TAF3: variants seen among roughly 807,000 people sequenced by gnomAD.
The protein encoded by TAF3 is transcription initiation factor TFIID subunit 3.
TAF3 carries 7 observed loss-of-function variants against 80.6 expected under a neutral mutation model. The observed-to-expected ratio is 0.09, with a 90% CI of 0.05 to 0.16. The LOEUF (loss-of-function observed/expected upper bound fraction) is 0.16, where lower values mean the gene tolerates loss of function less well. Among genes scored for constraint, TAF3 ranks in the 10% least tolerant of loss-of-function variants. The pLI is 1.00. For synonymous variants in TAF3, 444 were observed against 446.1 expected, an observed-to-expected ratio of 1.00 and a Z score of 0.06; for missense variants, 921 against 1,140.2, an observed-to-expected ratio of 0.81 and a Z score of 2.77.
At chr10:7,960,567 A>G (rs955598709) in intron 2 of TAF3, among the ~76,000 whole-genome samples, 2 of 152,152 alleles carry the variant, frequency 1.3e-5, no homozygotes, top group African/African-American at 4.8e-5. Flanking sequence ...GGCACGGGGA[A>G]TCGCATGTGC....
At chr10:7,878,595 C>G (rs1474690196) in intron 2 of TAF3, among the ~76,000 whole-genome samples, 1 of 152,092 alleles carries the variant, frequency 6.6e-6, no homozygotes, top group Non-Finnish European at 1.5e-5. Context: ...GTATTTAAAT[C>G]AGCTATATTG....
chr10:7,859,208 C>G (rs914830182), intron 2 of TAF3, among the ~76,000 whole-genome samples: 10 of 151,840 alleles, frequency 6.6e-5, no homozygotes, highest in Admixed American at 5.9e-4. Flanking sequence ...TTGCAGTGAG[C>G]TGAGATCATG....
chr10:7,920,092 A>G (rs930427373), intron 2 of TAF3, among the ~76,000 whole-genome samples: 11 of 152,034 alleles, frequency 7.2e-5, no homozygotes, highest in African/African-American at 2.7e-4. Flanking sequence ...GAAAATAAAA[A>G]TAAAATAAAA....
At chr10:7,968,338 A>T in intron 3 of TAF3, among the ~76,000 whole-genome samples, 1 of 152,202 alleles carries the variant, frequency 6.6e-6, no homozygotes, top group East Asian at 1.9e-4. Context: ...GCATTTGTTT[A>T]AATTTTTCAA....
intron 2 of TAF3, among the ~76,000 whole-genome samples, chr10:7,927,741 A>T (rs936253018): frequency 6.6e-5 from 10 of 152,232 alleles, no homozygotes; most frequent in Non-Finnish European, 1.5e-4. Flanking sequence ...TATGTAGTTG[A>T]TAATACAATA....
intron 4 of TAF3, among the ~76,000 whole-genome samples, chr10:8,006,619 A>G (rs1025542745): frequency 4.6e-5 from 7 of 152,244 alleles, no homozygotes; most frequent in Admixed American, 2.0e-4. Context: ...AAACAAATAG[A>G]GAACAATTCG....
rs1832036494 is a variant in TAF3, at chr10:8,009,786, C to CGATT, written c.2568+456_2568+457insGATT. 6.6e-6 allele frequency among the ~76,000 whole-genome samples: 1 copy of CGATT among 151,782 alleles called. No individual in the cohort carries two copies. Among genetic ancestry groups the CGATT allele is most frequent in the Non-Finnish European group, 1.5e-5 (1 of 67,938 alleles). On this transcript the variant is annotated intron_variant, in intron 5 of 6. Transcript: ENST00000344293. This position sits in a 1 kb window ranked among gnomAD's most constrained non-coding sequence, Gnocchi z 4.1. ...ACAGGCACGTGCCACCACACCTGGC[C>CGATT]AATTTTTTGTATTTTTAGTAGAAAC...
At chr10:7,876,117 A>C (rs1837310177) in intron 2 of TAF3, among the ~76,000 whole-genome samples, 2 of 152,094 alleles carry the variant, frequency 1.3e-5, no homozygotes, top group Non-Finnish European at 1.5e-5. Flanking sequence ...TTAATGACCA[A>C]AAGAACAAAT....
intron 2 of TAF3, among the ~76,000 whole-genome samples, chr10:7,920,308 GTGTGTGTGTGTGTGTGTGTGTGTA>G (rs71505471): frequency 0.37 from 46,910 of 126,846 alleles, 8,543 homozygotes; most frequent in Admixed American, 0.45. Flanking sequence ...ACGTGTGTGT[GTGTGTGTGTGTGTGTGTGTGTGTA>G]TGTGTGTGTG....
intron 4 of TAF3, among the ~76,000 whole-genome samples, chr10:8,001,031 G>A (rs1044661872): frequency 6.6e-6 from 1 of 152,016 alleles, no homozygotes; most frequent in Non-Finnish European, 1.5e-5. Flanking sequence ...CTATGTAACC[G>A]ATCTCCTATT....
At chr10:7,873,138 A>G (rs913967962) in intron 2 of TAF3, among the ~76,000 whole-genome samples, 1 of 152,186 alleles carries the variant, frequency 6.6e-6, no homozygotes, top group African/African-American at 2.4e-5. Context: ...GTGCTTTAAT[A>G]TTTGTAAAAT....
intron 2 of TAF3, among the ~76,000 whole-genome samples, chr10:7,888,136 C>T (rs72782744): frequency 0.18 from 27,939 of 151,980 alleles, 2,798 homozygotes; most frequent in East Asian, 0.29. Context: ...TCAGATCTCT[C>T]CCATATGAAA....
chr10:7,866,486 C>A (rs1039365503), intron 2 of TAF3, among the ~76,000 whole-genome samples: 1 of 152,130 alleles, frequency 6.6e-6, no homozygotes, highest in African/African-American at 2.4e-5. Flanking sequence ...GAAGAGTGTG[C>A]TAGACAGAGA....
At chr10:7,885,382 T>A (rs572164059) in intron 2 of TAF3, among the ~76,000 whole-genome samples, 183 of 152,304 alleles carry the variant, frequency 1.2e-3, no homozygotes, top group African/African-American at 4.2e-3. Flanking sequence ...TATATTTCTT[T>A]TTTAGGCTTT....
intron 2 of TAF3, among the ~76,000 whole-genome samples, chr10:7,874,570 T>C (rs1195171747): frequency 6.6e-6 from 1 of 152,084 alleles, no homozygotes; most frequent in Non-Finnish European, 1.5e-5. Flanking sequence ...GCTCTATATA[T>C]TTAAAGCCAA....
At chr10:7,849,233 G>A (rs1448443025) in intron 2 of TAF3, among the ~76,000 whole-genome samples, 2 of 152,030 alleles carry the variant, frequency 1.3e-5, no homozygotes, top group Admixed American at 6.6e-5. Context: ...TTTAAGGTAT[G>A]TTAGAAACTG....
At chr10:7,864,714 T>C (rs1056818416) in intron 2 of TAF3, among the ~76,000 whole-genome samples, 1 of 152,234 alleles carries the variant, frequency 6.6e-6, no homozygotes, top group Non-Finnish European at 1.5e-5. Flanking sequence ...TTTTTTATCA[T>C]CTATTTGTTT....
chr10:7,965,634 G>C lies in TAF3; in HGVS notation c.2124G>C (p.Lys708Asn). Reference protein sequence around the residue: ...EKEKKKDKKEKKKKKEKEKEK... With the variant: ...EKEKKKDKKENKKKKEKEKEK... ...AAAAGAAAAAGGACAAAAAGGAGAA[G>C]AAGAAAAAGAAGGAAAAAGAGAAGG... Residue 708 changes from lysine (K) to asparagine (N), a missense_variant, in exon 3 of 7, where the codon AAG (lysine) becomes AAC (asparagine). Around this residue, in one of 6 missense-constraint regions of TAF3, gnomAD observed 743 missense variants for 821.0 expected, o/e 0.90. Coordinates refer to ENST00000344293, the MANE Select transcript of TAF3 (RefSeq NM_031923.4). 1 of 1,584,410 alleles carries C rather than the reference G, an allele frequency of 6.3e-7. No individual in the cohort carries two copies. The highest frequency in any genetic ancestry group is 8.6e-7 in the Non-Finnish European group (1 of 1,167,106).
intron 2 of TAF3, among the ~76,000 whole-genome samples, chr10:7,882,009 G>A (rs929480788): frequency 3.9e-5 from 6 of 152,188 alleles, no homozygotes; most frequent in African/African-American, 1.4e-4. Context: ...CAGTTAAACA[G>A]GTGTCGATTG....
Sources: allele counts gnomAD v4.1 joint callset (sites outside exome capture counted in the v4.1 genomes callset), GRCh38; gene constraint gnomAD v4.1.1; regional missense constraint gnomAD v4.1.1; non-coding constraint Gnocchi (gnomAD v3.1); transcripts MANE v1.5; gene names NCBI Gene and HGNC (gene_info 2026-07-23, HGNC 2026-07-21).